The following CAMTA1 variants were observed in gnomAD, a reference collection of about 807,000 sequenced individuals.
CAMTA1 encodes the protein calmodulin binding transcription activator 1.
Under a neutral mutation model 170.9 loss-of-function variants are expected in CAMTA1, and 27 were observed. The observed-to-expected ratio is 0.16, with a 90% CI of 0.12 to 0.22. The LOEUF (loss-of-function observed/expected upper bound fraction) is 0.22, where lower values mean the gene tolerates loss of function less well. Among genes scored for constraint, CAMTA1 ranks in the 10% least tolerant of loss-of-function variants. CAMTA1 has a pLI of 1.00. For missense variants in CAMTA1, 1,619 were observed against 2,217.2 expected, an observed-to-expected ratio of 0.73 and a Z score of 5.42; for synonymous variants, 833 against 891.5, an observed-to-expected ratio of 0.93 and a Z score of 1.17.
At chr1:6,790,146 C>G (rs1202746511) in intron 1 of CAMTA1, among the ~76,000 whole-genome samples, 1 of 151,794 alleles carries the variant, frequency 6.6e-6, no homozygotes, top group Non-Finnish European at 1.5e-5. Context: ...TGGTGCTTGT[C>G]TTAATGCTTG....
chr1:7,601,178 C>T (rs1185834610), intron 6 of CAMTA1, among the ~76,000 whole-genome samples: 2 of 118,420 alleles, frequency 1.7e-5, no homozygotes, highest in South Asian at 2.6e-4. Flanking sequence ...CCACCTCCCT[C>T]CCGGACGGGG....
intron 6 of CAMTA1, among the ~76,000 whole-genome samples, chr1:7,479,935 GTGTA>G (rs929118237): frequency 2.9e-5 from 3 of 102,816 alleles, no homozygotes; most frequent in South Asian, 2.6e-4. Flanking sequence ...GTGTATATGT[GTGTA>G]TGAGTGTATG....
chr1:7,329,733 T>G (rs986057481), intron 5 of CAMTA1, among the ~76,000 whole-genome samples: 1 of 152,228 alleles, frequency 6.6e-6, no homozygotes. Context: ...ATCTCTTCTA[T>G]GTGTAACCCC....
rs1402201818 is a variant in CAMTA1, at chr1:7,482,272, C to A, written c.510+14371C>A. On this transcript the variant is annotated intron_variant, in intron 6 of 22. Transcript: ENST00000303635. The surrounding 1 kb of genome is among the most constrained non-coding windows in gnomAD (Gnocchi z 4.2). ...ACTGCTACATTTGGAGTGCCTGGAG[C>A]CATGCCTAGCACATAAGTACTTGTT... is the stretch of plus-strand genomic sequence containing the variant. Among the ~76,000 whole-genome samples the A allele has an allele frequency of 6.6e-6, 1 of 152,186 alleles. No homozygotes were observed. Among genetic ancestry groups the A allele is most frequent in the Admixed American group, 6.5e-5 (1 of 15,276 alleles).
At chr1:6,931,530 A>G (rs1403251699) in intron 3 of CAMTA1, among the ~76,000 whole-genome samples, 2 of 152,198 alleles carry the variant, frequency 1.3e-5, no homozygotes, top group African/African-American at 4.8e-5. Flanking sequence ...GAGCCTTTGT[A>G]CATCCTCTTC....
intron 5 of CAMTA1, among the ~76,000 whole-genome samples, chr1:7,462,522 T>G (rs1343652378): frequency 1.3e-5 from 2 of 152,212 alleles, no homozygotes; most frequent in African/African-American, 4.8e-5. Context: ...CCCAAAGTGC[T>G]GGGATTACAG....
intron 3 of CAMTA1, among the ~76,000 whole-genome samples, chr1:7,079,544 T>C (rs1320819647): frequency 1.3e-5 from 2 of 151,994 alleles, no homozygotes; most frequent in African/African-American, 4.8e-5. Context: ...CAGTCTTGGC[T>C]CACTGCAACC....
intron 3 of CAMTA1, among the ~76,000 whole-genome samples, chr1:6,837,064 C>T (rs1446193775): frequency 1.3e-5 from 2 of 152,036 alleles, no homozygotes; most frequent in African/African-American, 2.4e-5. Flanking sequence ...TGCCATTCTC[C>T]TGCCTCAGCC....
At chr1:7,568,274 CA>C (rs941203253) in intron 6 of CAMTA1, among the ~76,000 whole-genome samples, 4 of 148,324 alleles carry the variant, frequency 2.7e-5, no homozygotes, top group Non-Finnish European at 4.4e-5. Flanking sequence ...AAATCACCAT[CA>C]TCATCATCAT....
intron 6 of CAMTA1, among the ~76,000 whole-genome samples, chr1:7,558,470 G>T (rs550964988): frequency 3.9e-5 from 6 of 152,364 alleles, no homozygotes; most frequent in Admixed American, 3.9e-4. Flanking sequence ...TCACTCCTGA[G>T]CAGACAGGGA....
At chr1:7,436,680 G>A (rs559341901) in intron 5 of CAMTA1, among the ~76,000 whole-genome samples, 1 of 152,112 alleles carries the variant, frequency 6.6e-6, no homozygotes, top group Non-Finnish European at 1.5e-5. Flanking sequence ...TGCCCTTCCC[G>A]GGCCTGTGGC....
intron 11 of CAMTA1, among the ~76,000 whole-genome samples, chr1:7,712,167 G>C (rs2096575705): frequency 6.6e-6 from 1 of 152,144 alleles, no homozygotes; most frequent in Admixed American, 6.5e-5. Flanking sequence ...TTGGTAAATG[G>C]AAACAGTTTT....
intron 6 of CAMTA1, among the ~76,000 whole-genome samples, chr1:7,498,127 A>T (rs947184434): frequency 6.6e-6 from 1 of 152,094 alleles, no homozygotes; most frequent in Non-Finnish European, 1.5e-5. Flanking sequence ...TCCCCTGCTC[A>T]CTAGTATGAG....
chr1:7,568,880 ACCG>A lies in CAMTA1; in HGVS notation c.511-71518_511-71516del, dbSNP rs578044376. 2.5e-3 allele frequency among the ~76,000 whole-genome samples: 368 copies of A among 150,014 alleles called. 4 individuals are homozygous for A. The highest frequency in any genetic ancestry group is 8.7e-3 in the African/African-American group (351 of 40,532). Reference sequence around the variant, plus strand: ...CATCATCATCAACATCACCATCATCACCGCATCACCATCACCACCACCATCCAT... The same window carrying A: ...CATCATCATCAACATCACCATCATCACATCACCATCACCACCACCATCCAT... On this transcript the variant is annotated intron_variant, in intron 6 of 22. Coordinates refer to ENST00000303635, the MANE Select transcript of CAMTA1 (RefSeq NM_015215.4).
intron 3 of CAMTA1, among the ~76,000 whole-genome samples, chr1:6,917,863 T>C: frequency 6.8e-6 from 1 of 147,670 alleles, no homozygotes; most frequent in African/African-American, 2.5e-5. Context: ...GGGGGGGACA[T>C]CTACATGCCA....
chr1:7,197,120 C>A (rs1655668039), intron 4 of CAMTA1, among the ~76,000 whole-genome samples: 1 of 152,142 alleles, frequency 6.6e-6, no homozygotes, highest in Non-Finnish European at 1.5e-5. Flanking sequence ...TTGGAAAATG[C>A]AGAAAAATAG....
In CAMTA1 at chr1:7,426,227, A is replaced by G. The variant is rs1302273747; in HGVS notation, c.439-41603A>G. Among the ~76,000 whole-genome samples the G allele has an allele frequency of 6.7e-6, 1 of 149,866 alleles. No individual in the cohort carries two copies. Among genetic ancestry groups the G allele is most frequent in the Non-Finnish European group, 1.5e-5 (1 of 68,010 alleles). Reference sequence around the variant, plus strand: ...CAGACCTTGCTCTTTAACTATATCCAGGTGCCCAGGGCCAGAGAGAGCTGC... The same window carrying G: ...CAGACCTTGCTCTTTAACTATATCCGGGTGCCCAGGGCCAGAGAGAGCTGC... On this transcript the variant is annotated intron_variant, in intron 5 of 22. Coordinates refer to ENST00000303635, the MANE Select transcript of CAMTA1 (RefSeq NM_015215.4). This position sits in a 1 kb window ranked among gnomAD's most constrained non-coding sequence, Gnocchi z 4.8.
intron 5 of CAMTA1, among the ~76,000 whole-genome samples, chr1:7,405,167 A>T (rs978189908): frequency 1.4e-4 from 21 of 151,938 alleles, no homozygotes; most frequent in Non-Finnish European, 4.4e-5. Flanking sequence ...TGCGTCCTCC[A>T]TGGAGTCTCT....
At chr1:6,898,436 C>A (rs1676133884) in intron 3 of CAMTA1, among the ~76,000 whole-genome samples, 1 of 152,110 alleles carries the variant, frequency 6.6e-6, no homozygotes, top group African/African-American at 2.4e-5. Flanking sequence ...GCCTGTAGTC[C>A]CAGCTACTCG....
Sources: gnomAD v4.1 joint callset for allele counts (sites outside exome capture counted in the v4.1 genomes callset) on GRCh38, gnomAD v4.1.1 for gene constraint, Gnocchi (gnomAD v3.1) non-coding constraint, MANE v1.5 for transcripts, NCBI Gene and HGNC (gene_info 2026-07-23, HGNC 2026-07-21) for gene names.